The following UBE2O variants were observed in gnomAD, a reference collection of about 807,000 sequenced individuals.
UBE2O encodes the protein ubiquitin conjugating enzyme E2 O, also known as (E3-independent) E2 ubiquitin-conjugating enzyme.
UBE2O carries 15 observed loss-of-function variants against 125.8 expected under a neutral mutation model. The ratio of observed to expected loss-of-function variants is 0.12; its 90% confidence interval spans 0.08 to 0.18. UBE2O has a LOEUF of 0.18. Ranked by LOEUF, UBE2O falls within the 10% of genes least tolerant of loss-of-function variation. The pLI is 1.00. For missense variants in UBE2O, 1,280 were observed against 1,723.6 expected (o/e 0.74, Z 4.56); for synonymous variants, 708 against 703.2 (o/e 1.01, Z -0.11).
In UBE2O at chr17:76,400,133, C is replaced by T. The variant is rs1174318670; in HGVS notation, c.1155+14G>A. The T allele has an allele frequency of 1.9e-6, 3 of 1,609,956 alleles. No homozygotes were observed. Among genetic ancestry groups the T allele is most frequent in the African/African-American group, 1.3e-5 (1 of 74,816 alleles). Reference sequence around the variant, plus strand: ...TCCTCAAATGCCCACCAATCCCCAACCCCAAGGACATACCTTCTTGGCCAT... The same window carrying T: ...TCCTCAAATGCCCACCAATCCCCAATCCCAAGGACATACCTTCTTGGCCAT... On this transcript the variant is annotated intron_variant, in intron 8 of 17. Transcript: ENST00000319380. This position sits in a 1 kb window ranked among gnomAD's most constrained non-coding sequence, Gnocchi z 4.3.
At chr17:76,412,154 A>G (rs2072527070) in intron 1 of UBE2O, among the ~76,000 whole-genome samples, 1 of 152,100 alleles carries the variant, frequency 6.6e-6, no homozygotes. Flanking sequence ...TCAGCTTGCA[A>G]TGGCTCCTGG....
At position 76,396,954 on chromosome 17, in the gene UBE2O, C is replaced by T. The variant is rs529877208; in HGVS notation, c.2116-133G>A. The T allele has an allele frequency of 1.0e-4, 76 of 725,416 alleles. No homozygotes were observed. Among genetic ancestry groups the T allele is most frequent in the Admixed American group, 7.2e-4 (24 of 33,200 alleles). The allele number at this position is 725,416 out of a possible 1,614,324, so 44.9% of individuals were successfully genotyped here. On this transcript the variant is annotated intron_variant, in intron 13 of 17. Transcript: ENST00000319380. The surrounding 1 kb of genome is among the most constrained non-coding windows in gnomAD (Gnocchi z 6.7). ...TCATGAGGCCTTGGCAACCTCATTC[C>T]ACCCTTTCCCTGACCTCTGCTCTGG...
At chr17:76,439,968 A>G (rs1002498806) in intron 1 of UBE2O, among the ~76,000 whole-genome samples, 4 of 152,196 alleles carry the variant, frequency 2.6e-5, no homozygotes, top group African/African-American at 9.7e-5. Context: ...CCATTTCCCA[A>G]GTGCTCACTA....
intron 1 of UBE2O, among the ~76,000 whole-genome samples, chr17:76,418,287 C>T (rs2072648961): frequency 6.6e-6 from 1 of 152,220 alleles, no homozygotes; most frequent in Non-Finnish European, 1.5e-5. Context: ...CACACAAAAA[C>T]TCATTTTATC....
intron 1 of UBE2O, among the ~76,000 whole-genome samples, chr17:76,433,483 G>A (rs775080147): frequency 2.7e-5 from 4 of 150,890 alleles, no homozygotes; most frequent in Non-Finnish European, 5.9e-5. Flanking sequence ...TTTTTAGGGT[G>A]ATGAAAATGT....
intron 15 of UBE2O, among the ~76,000 whole-genome samples, chr17:76,394,417 C>A (rs960781563): frequency 3.3e-5 from 5 of 152,096 alleles, no homozygotes; most frequent in African/African-American, 7.2e-5. Context: ...GACACTAGGC[C>A]CCGTCCACGA....
intron 1 of UBE2O, among the ~76,000 whole-genome samples, chr17:76,408,617 T>C (rs1204281948): frequency 6.6e-6 from 1 of 152,226 alleles, no homozygotes; most frequent in Non-Finnish European, 1.5e-5. Context: ...TCTCTTCATT[T>C]CTGAGGCAAG....
Position 76,391,497 on chromosome 17 carries a change from C to A in UBE2O, c.3325G>T (p.Val1109Leu). ...CGCACCAGCTGGGTCATGGACTGCA[C>A]CACGCGGATCAGCGCCATCTCATTG... ...CYNEMALIRV[V>L]QSMTQLVRRP... The change falls in exon 18 of 18, where the codon GTG (valine) becomes TTG (leucine). Residue 1109 changes from valine to leucine, a missense_variant. Physicochemically the swap from Val to Leu is conservative, Grantham distance 32. Transcript: ENST00000319380. The surrounding 1 kb of genome is among the most constrained non-coding windows in gnomAD (Gnocchi z 8.4). 1.2e-6 allele frequency: 2 copies of A among 1,614,054 alleles called. No homozygotes were observed. The highest frequency in any genetic ancestry group is 1.1e-5 in the South Asian group (1 of 91,088).
At position 76,402,790 on chromosome 17, in the gene UBE2O, T is replaced by C. The variant is rs1360117861; in HGVS notation, c.589-91A>G. 3 of 1,107,544 alleles carry C rather than the reference T, an allele frequency of 2.7e-6. No homozygotes were observed. Among genetic ancestry groups the C allele is most frequent in the Non-Finnish European group, 4.1e-6 (3 of 727,032 alleles). 68.6% of individuals were successfully genotyped at this position (1,107,544 alleles called of 1,614,324 possible). A position where few individuals can be genotyped will look rare whatever the true frequency, so the allele number is the denominator to read the frequency against. ...CCTCTATGCCCCACCGAAGACAGGATGGGGGAGGATCTAGACAGCTCACTG... is the reference window on the plus strand; with the variant it reads ...CCTCTATGCCCCACCGAAGACAGGACGGGGGAGGATCTAGACAGCTCACTG... On this transcript the variant is annotated intron_variant, in intron 3 of 17. Transcript: ENST00000319380. This position sits in a 1 kb window ranked among gnomAD's most constrained non-coding sequence, Gnocchi z 5.4.
chr17:76,425,225 C>CAAAAAAAAAAAAAAAAA (rs58377572), intron 1 of UBE2O, among the ~76,000 whole-genome samples: 44 of 95,078 alleles, frequency 4.6e-4, no homozygotes, highest in African/African-American at 1.0e-3. Context: ...GTCCTTTCGA[C>CAAAAAAAAAAAAAAAAA]AAAAAAAAAA....
At position 76,396,627 on chromosome 17, in the gene UBE2O, C is replaced by T. The variant is rs200553803; in HGVS notation, c.2310G>A (p.Glu770=). Residue 770 remains glutamate, a synonymous_variant, in exon 14 of 18, where the codon GAG becomes GAA. Coordinates refer to ENST00000319380, the MANE Select transcript of UBE2O (RefSeq NM_022066.4). The surrounding 1 kb of genome is among the most constrained non-coding windows in gnomAD (Gnocchi z 6.7). ...CTTCACTGATCACCACTCCCTTGTC[C>T]TCAGGGGCCACCGGCTGCTCCAGGG... The part of the protein sequence containing the change: ...IPPLEQPVAP[E]DKGVVISEEA... 6 of 1,613,032 alleles carry T rather than the reference C, an allele frequency of 3.7e-6. No homozygotes were observed. In the Admixed American group the frequency reaches 8.3e-5, roughly 22 times the overall value.
intron 1 of UBE2O, among the ~76,000 whole-genome samples, chr17:76,435,403 CACACACACACACAT>C (rs60950120): frequency 0.01 from 618 of 60,244 alleles, 1 homozygote; most frequent in East Asian, 0.056. Context: ...TATACAGATA[CACACACACACACAT>C]ACACACACAC....
rs1235265635 is a variant in UBE2O at position 76,392,000 on chromosome 17, G to A, written c.3060C>T (p.Cys1020=). 6.2e-7 allele frequency: 1 copy of A among 1,600,008 alleles called. No homozygotes were observed. The highest frequency in any genetic ancestry group is 8.5e-7 in the Non-Finnish European group (1 of 1,173,502). Residue 1020 remains cysteine (C), a synonymous_variant, in exon 16 of 18, where the codon TGC becomes TGT. Transcript: ENST00000319380. The surrounding 1 kb of genome is among the most constrained non-coding windows in gnomAD (Gnocchi z 8.4). ...GGCGGCCACTGCATTGGGAGAGGTA[G>A]CAGAAGTGGGGGGGCACGGCTGGGT... is the stretch of plus-strand genomic sequence containing the variant. ...NIYPAVPPHF[C]YLSQCSGRLN...
chr17:76,410,523 T>G lies in UBE2O; in HGVS notation c.418-4951A>C, dbSNP rs1018265509. 6.6e-6 allele frequency among the ~76,000 whole-genome samples: 1 copy of G among 152,158 alleles called. No individual in the cohort carries two copies. The highest frequency in any genetic ancestry group is 2.4e-5 in the African/African-American group (1 of 41,428). On this transcript the variant is annotated intron_variant, in intron 1 of 17. Transcript: ENST00000319380. This position sits in a 1 kb window ranked among gnomAD's most constrained non-coding sequence, Gnocchi z 4.0. The stretch of plus-strand genomic sequence containing the variant: ...GAAGGTGCTCTGGAGACGCAGGTGC[T>G]GAGACCCGAACAATGGCAGAGAAGG...
intron 1 of UBE2O, among the ~76,000 whole-genome samples, chr17:76,418,026 C>T (rs976201766): frequency 6.6e-6 from 1 of 152,092 alleles, no homozygotes; most frequent in African/African-American, 2.4e-5. Context: ...CTCTTCACCA[C>T]CTCAGGAGGA....
chr17:76,397,775 A>AG (rs112804351), intron 13 of UBE2O, 24 bp downstream of exon 13: 42,259 of 1,611,972 alleles, frequency 0.026, 1,318 homozygotes, highest in African/African-American at 0.16. Flanking sequence ...CAAGCTCAGC[A>AG]GGGGGGTCTT....
intron 1 of UBE2O, chr17:76,430,343 ATTTT>A (rs942332071): frequency 3.3e-5 from 5 of 152,614 alleles, no homozygotes; most frequent in African/African-American, 1.2e-4. Flanking sequence ...CTAACCGAAG[ATTTT>A]TTTTTTCAAT....
intron 1 of UBE2O, among the ~76,000 whole-genome samples, chr17:76,451,937 T>C (rs888646535): frequency 4.6e-5 from 7 of 152,124 alleles, no homozygotes; most frequent in Admixed American, 2.6e-4. Flanking sequence ...CCAAAAACCA[T>C]ACGGGAGTCA....
intron 1 of UBE2O, among the ~76,000 whole-genome samples, chr17:76,450,031 C>T (rs1409872607): frequency 6.6e-6 from 1 of 151,846 alleles, no homozygotes; most frequent in Admixed American, 6.6e-5. Context: ...TTCAAGGACA[C>T]CTGAGTAACA....
Sources: allele counts gnomAD v4.1 joint callset (sites outside exome capture counted in the v4.1 genomes callset), GRCh38; gene constraint gnomAD v4.1.1; non-coding constraint Gnocchi (gnomAD v3.1); transcripts MANE v1.5; gene names NCBI Gene and HGNC (gene_info 2026-07-23, HGNC 2026-07-21).